The following CRYBG1 variants were observed in gnomAD, a reference collection of about 807,000 sequenced individuals.
CRYBG1 encodes crystallin beta-gamma domain containing 1.
A neutral mutation model predicts 189.2 loss-of-function variants in CRYBG1; 139 were observed. The observed-to-expected ratio is 0.73, with a 90% CI of 0.64 to 0.85. The LOEUF is 0.85. Ranked by LOEUF, CRYBG1 falls within the 40% of genes least tolerant of loss-of-function variation. The pLI is 0.00. For missense variants in CRYBG1, 2,611 were observed against 2,675.8 expected (o/e 0.98, Z 0.53); for synonymous variants, 1,023 against 1,017.1 (o/e 1.01, Z -0.11).
chr6:106,436,057 ACC>A (rs201121544), intron 1 of CRYBG1, among the ~76,000 whole-genome samples: 56 of 152,246 alleles, frequency 3.7e-4, no homozygotes, highest in African/African-American at 1.2e-3. Context: ...TCGGAGTTTT[ACC>A]TTCTATTACT....
chr6:106,423,431 A>C (rs1164004613), intron 1 of CRYBG1, among the ~76,000 whole-genome samples: 3 of 151,972 alleles, frequency 2.0e-5, no homozygotes, highest in Admixed American at 6.6e-5. Context: ...GTAAATTAAA[A>C]AGTTTGATCT....
intron 1 of CRYBG1, among the ~76,000 whole-genome samples, chr6:106,446,094 A>G (rs1414274091): frequency 1.3e-5 from 2 of 152,196 alleles, no homozygotes; most frequent in Non-Finnish European, 1.5e-5. Flanking sequence ...GAACCAGGTA[A>G]TCACCAGGGA....
At chr6:106,540,884 C>A (rs1379125847) in intron 9 of CRYBG1, among the ~76,000 whole-genome samples, 3 of 151,994 alleles carry the variant, frequency 2.0e-5, no homozygotes, top group Non-Finnish European at 2.9e-5. Context: ...TATTTTTGTG[C>A]AATATCTTTT....
chr6:106,482,603 G>A (rs905767770), intron 2 of CRYBG1, among the ~76,000 whole-genome samples: 5 of 151,864 alleles, frequency 3.3e-5, no homozygotes, highest in African/African-American at 4.8e-5. Flanking sequence ...GTGAAACCCC[G>A]TCTCTACTAA....
chr6:106,450,270 T>C (rs1771757258), intron 1 of CRYBG1, among the ~76,000 whole-genome samples: 1 of 151,892 alleles, frequency 6.6e-6, no homozygotes, highest in African/African-American at 2.4e-5. Flanking sequence ...TGCCCATCTA[T>C]ATCTCCCTTG....
rs115328168 is a variant in CRYBG1 at position 106,451,552 on chromosome 6, C to T, written c.174-142C>T. The stretch of plus-strand genomic sequence containing the variant: ...TATGAGAGCGCCAAATTATCTACAA[C>T]GCCGTGTAGGTTTTGAAGAATGATT... On this transcript the variant is annotated intron_variant, in intron 1 of 21. Coordinates refer to ENST00000633556, the MANE Select transcript of CRYBG1 (RefSeq NM_001371242.2). 1.2e-3 allele frequency: 990 copies of T among 804,790 alleles called. 7 individuals are homozygous for T. In the African/African-American group the frequency reaches 0.015, roughly 12 times the overall value. The allele number at this position is 804,790 out of a possible 1,614,324, so 49.9% of individuals were successfully genotyped here.
rs1258789400 is a variant in CRYBG1, at chr6:106,571,125, AATCCTT to A, written c.*2562_*2567del. 6.6e-6 allele frequency: 1 copy of A among 152,238 alleles called. No homozygotes were observed. Among genetic ancestry groups the A allele is most frequent in the Non-Finnish European group, 1.5e-5 (1 of 68,044 alleles). 9.4% of individuals were successfully genotyped at this position (152,238 alleles called of 1,614,324 possible). A position where few individuals can be genotyped will look rare whatever the true frequency, so the allele number is the denominator to read the frequency against. On this transcript the variant is annotated 3_prime_UTR_variant, in exon 22 of 22. Coordinates refer to ENST00000633556, the MANE Select transcript of CRYBG1 (RefSeq NM_001371242.2). Reference sequence around the variant, plus strand: ...ATGTTTCAATTGCCGAAACAGGCCTAATCCTTATGCAAGATGTAAGGGTTTTAAAAA... The same window carrying A: ...ATGTTTCAATTGCCGAAACAGGCCTAATGCAAGATGTAAGGGTTTTAAAAA...
At chr6:106,507,401 G>A (rs937742531) in intron 2 of CRYBG1, among the ~76,000 whole-genome samples, 2 of 152,176 alleles carry the variant, frequency 1.3e-5, no homozygotes, top group South Asian at 4.1e-4. Context: ...TACAAAGGAG[G>A]ACCCAGGATT....
chr6:106,406,186 A>G (rs12210758), intron 1 of CRYBG1, among the ~76,000 whole-genome samples: 12,302 of 152,192 alleles, frequency 0.081, 639 homozygotes, highest in East Asian at 0.15. Flanking sequence ...GAACATAAAT[A>G]ACCTGATGGA....
chr6:106,562,020 T>A (rs1159939783), intron 20 of CRYBG1, among the ~76,000 whole-genome samples: 3 of 152,212 alleles, frequency 2.0e-5, no homozygotes, highest in Admixed American at 6.5e-5. Context: ...GTAGTAAGAT[T>A]TTTATGAAAG....
intron 1 of CRYBG1, among the ~76,000 whole-genome samples, chr6:106,420,305 G>A (rs966635871): frequency 2.0e-5 from 3 of 152,116 alleles, no homozygotes; most frequent in African/African-American, 7.2e-5. Context: ...AAAAAGAGAG[G>A]GTCATAAGGC....
intron 21 of CRYBG1, among the ~76,000 whole-genome samples, chr6:106,565,004 T>TC (rs534794762): frequency 1.6e-3 from 244 of 152,312 alleles, no homozygotes; most frequent in African/African-American, 5.7e-3. Context: ...TTTAGGCCAA[T>TC]GCTGTCATTA....
At position 106,441,258 on chromosome 6, in the gene CRYBG1, G is replaced by T. The variant is rs577059539; in HGVS notation, c.174-10436G>T. ...GGGAGAAGGAGGTTAGAGTGGTATTGGAACACCCTTAGGGTGGGAATTTGA... is the reference window on the plus strand; with the variant it reads ...GGGAGAAGGAGGTTAGAGTGGTATTTGAACACCCTTAGGGTGGGAATTTGA... On this transcript the variant is annotated intron_variant, in intron 1 of 21. Coordinates refer to ENST00000633556, the MANE Select transcript of CRYBG1 (RefSeq NM_001371242.2). 4.6e-5 allele frequency among the ~76,000 whole-genome samples: 7 copies of T among 152,296 alleles called. No homozygotes were observed. In the East Asian group the frequency reaches 1.4e-3, roughly 29 times the overall value.
intron 1 of CRYBG1, among the ~76,000 whole-genome samples, chr6:106,409,864 A>T (rs1251659497): frequency 6.6e-6 from 1 of 152,226 alleles, no homozygotes; most frequent in Non-Finnish European, 1.5e-5. Flanking sequence ...ACCTTACACA[A>T]AAATTAACTC....
intron 1 of CRYBG1, among the ~76,000 whole-genome samples, chr6:106,418,398 C>A (rs903985905): frequency 6.6e-6 from 1 of 152,206 alleles, no homozygotes; most frequent in Non-Finnish European, 1.5e-5. Flanking sequence ...AGGCTTCAGG[C>A]TGTTTTTTTG....
At chr6:106,558,723 G>T (rs931715917) in intron 18 of CRYBG1, 98 bp downstream of exon 18, 66 of 950,474 alleles carry the variant, frequency 6.9e-5, no homozygotes, top group Admixed American at 1.5e-4. Flanking sequence ...AACACTTTAG[G>T]AGGCCGAGGT....
chr6:106,529,993 A>G (rs1773841140), intron 7 of CRYBG1, among the ~76,000 whole-genome samples, 183 bp from the exon 8 acceptor site: 1 of 152,240 alleles, frequency 6.6e-6, no homozygotes, highest in African/African-American at 2.4e-5. Context: ...GTCTGCCCCG[A>G]AATAGGTGTA....
At chr6:106,374,077 A>G (rs1770099025) in intron 1 of CRYBG1, among the ~76,000 whole-genome samples, 1 of 152,202 alleles carries the variant, frequency 6.6e-6, no homozygotes, top group African/African-American at 2.4e-5. Context: ...CATTTATTAA[A>G]CAAACATTTA....
At chr6:106,470,366 C>T (rs1772207346) in intron 2 of CRYBG1, among the ~76,000 whole-genome samples, 2 of 151,998 alleles carry the variant, frequency 1.3e-5, no homozygotes, top group South Asian at 2.1e-4. Flanking sequence ...ACCATTCCTT[C>T]ATTGGACTGA....
Sources: gnomAD v4.1 joint callset for allele counts (sites outside exome capture counted in the v4.1 genomes callset) on GRCh38, gnomAD v4.1.1 for gene constraint, MANE v1.5 for transcripts, NCBI Gene and HGNC (gene_info 2026-07-23, HGNC 2026-07-21) for gene names.